KCNH1: variants seen among roughly 807,000 people sequenced by gnomAD.
KCNH1 encodes potassium voltage-gated channel subfamily H member 1.
Under a neutral mutation model 69.2 loss-of-function variants are expected in KCNH1, and 27 were observed. The ratio of observed to expected loss-of-function variants is 0.39; its 90% CI spans 0.29 to 0.54. The LOEUF is 0.54. Among genes scored for constraint, KCNH1 ranks in the 20% least tolerant of loss-of-function variants. The probability of loss-of-function intolerance (pLI) is 0.68; values close to 1 mark genes in which losing one functional copy is unlikely to be tolerated. For missense variants in KCNH1, 798 were observed against 1,261.6 expected (o/e 0.63, Z 5.57); for synonymous variants, 456 against 487.7 (o/e 0.93, Z 0.86).
chr1:211,115,578 C>T (rs1691557088), intron 1 of KCNH1, among the ~76,000 whole-genome samples: 1 of 151,758 alleles, frequency 6.6e-6, no homozygotes, highest in East Asian at 1.9e-4. Context: ...GCTTCCTGCC[C>T]TCAAACATCG....
At chr1:210,833,092 A>G (rs574089248) in intron 7 of KCNH1, among the ~76,000 whole-genome samples, 2 of 152,004 alleles carry the variant, frequency 1.3e-5, no homozygotes, top group Non-Finnish European at 2.9e-5. Context: ...AATTAAGAGA[A>G]GGCTATTTTC....
chr1:211,020,447 T>C (rs1689568323), intron 5 of KCNH1, among the ~76,000 whole-genome samples: 1 of 150,744 alleles, frequency 6.6e-6, no homozygotes, highest in Non-Finnish European at 1.5e-5. Flanking sequence ...AATAGAAAAC[T>C]CTAACAGACC....
chr1:211,127,603 T>G (rs1053843388), intron 1 of KCNH1, among the ~76,000 whole-genome samples: 1 of 152,180 alleles, frequency 6.6e-6, no homozygotes, highest in Admixed American at 6.5e-5. Context: ...TTTGTTTTCA[T>G]TTAATTTTGG....
rs148749308 is a variant in KCNH1, at chr1:210,996,743, C to T, written c.1032+22040G>A. The stretch of plus-strand genomic sequence containing the variant: ...ACTGGGAGGCACCCCCCAGTAGGGG[C>T]AGACTGACACCTTACAAGGTCGGGT... On this transcript the variant is annotated intron_variant, in intron 6 of 10. Transcript: ENST00000271751. 3.0e-3 allele frequency among the ~76,000 whole-genome samples: 456 copies of T among 152,358 alleles called. 3 individuals are homozygous for T. The highest frequency in any genetic ancestry group is 1.0e-2 in the African/African-American group (414 of 41,578).
chr1:210,775,614 C>T (rs986098872), intron 9 of KCNH1, 70 bp from the exon 10 acceptor site: 1 of 1,201,534 alleles, frequency 8.3e-7, no homozygotes, highest in Admixed American at 1.9e-5. Flanking sequence ...TGGCTTCCCT[C>T]TATTCCCCAG....
chr1:210,736,099 C>A (rs1682873419), intron 10 of KCNH1, among the ~76,000 whole-genome samples: 1 of 152,016 alleles, frequency 6.6e-6, no homozygotes, highest in Non-Finnish European at 1.5e-5. Context: ...CAGCAGTCAT[C>A]CACAGGCACA....
At chr1:211,040,330 T>A (rs1302946367) in intron 5 of KCNH1, among the ~76,000 whole-genome samples, 1 of 152,182 alleles carries the variant, frequency 6.6e-6, no homozygotes, top group East Asian at 1.9e-4. Context: ...ACTTGAATTG[T>A]ATCTCCCAGA....
At chr1:211,080,103 A>G (rs1690823423) in intron 5 of KCNH1, among the ~76,000 whole-genome samples, 1 of 152,218 alleles carries the variant, frequency 6.6e-6, no homozygotes, top group Non-Finnish European at 1.5e-5. Flanking sequence ...TTAAGCTGAT[A>G]AGCAACTTCA....
chr1:210,712,513 T>C (rs1167712743), intron 10 of KCNH1, among the ~76,000 whole-genome samples: 1 of 152,196 alleles, frequency 6.6e-6, no homozygotes, highest in Non-Finnish European at 1.5e-5. Flanking sequence ...CCTAAAAGTC[T>C]TCCTGGCCCA....
chr1:210,881,731 G>T (rs2102509154), intron 7 of KCNH1, among the ~76,000 whole-genome samples: 1 of 152,282 alleles, frequency 6.6e-6, no homozygotes, highest in Non-Finnish European at 1.5e-5. Flanking sequence ...GCCATGAAAA[G>T]ACATAGAGGA....
chr1:211,110,548 T>A (rs772852683), intron 1 of KCNH1, among the ~76,000 whole-genome samples: 23 of 152,292 alleles, frequency 1.5e-4, no homozygotes, highest in Non-Finnish European at 2.9e-4. Context: ...AGCACCTTAT[T>A]AATTTTGAAT....
chr1:210,911,423 A>G (rs1687228714), intron 7 of KCNH1, among the ~76,000 whole-genome samples: 1 of 152,094 alleles, frequency 6.6e-6, no homozygotes, highest in African/African-American at 2.4e-5. Context: ...TCAAATGTCA[A>G]TTATAATGTG....
chr1:210,905,087 C>A (rs1434934211), intron 7 of KCNH1, among the ~76,000 whole-genome samples: 1 of 152,156 alleles, frequency 6.6e-6, no homozygotes, highest in Non-Finnish European at 1.5e-5. Flanking sequence ...GGAAGAAGAG[C>A]CATCCCTGAA....
chr1:210,871,459 G>A (rs1018773585), intron 7 of KCNH1, among the ~76,000 whole-genome samples: 20 of 152,216 alleles, frequency 1.3e-4, no homozygotes, highest in African/African-American at 4.8e-4. Flanking sequence ...TGGTGGGACT[G>A]TAAACCAGTT....
At chr1:210,744,479 A>G (rs1268751555) in intron 10 of KCNH1, among the ~76,000 whole-genome samples, 1 of 152,132 alleles carries the variant, frequency 6.6e-6, no homozygotes, top group East Asian at 1.9e-4. Context: ...CCCCATCTCT[A>G]CTAAAAATAC....
chr1:211,102,936 A>G (rs1206421124), intron 3 of KCNH1, among the ~76,000 whole-genome samples: 1 of 152,238 alleles, frequency 6.6e-6, no homozygotes, highest in Non-Finnish European at 1.5e-5. Flanking sequence ...GAAACCTCCT[A>G]AGGGAAGAGC....
chr1:210,767,265 G>A (rs1172014712), intron 10 of KCNH1, among the ~76,000 whole-genome samples: 1 of 152,222 alleles, frequency 6.6e-6, no homozygotes, highest in Non-Finnish European at 1.5e-5. Flanking sequence ...ATGACTGGCT[G>A]CTCACTGGAA....
At chr1:210,948,658 T>C (rs1688006650) in intron 6 of KCNH1, among the ~76,000 whole-genome samples, 1 of 151,646 alleles carries the variant, frequency 6.6e-6, no homozygotes, top group East Asian at 1.9e-4. Flanking sequence ...TGAAACCCTG[T>C]CTCTACTAAA....
intron 10 of KCNH1, among the ~76,000 whole-genome samples, chr1:210,706,436 T>C (rs1681915719): frequency 6.6e-6 from 1 of 152,176 alleles, no homozygotes; most frequent in South Asian, 2.1e-4. Flanking sequence ...CATTTGAAAG[T>C]CAAATAAAAC....
Sources: allele counts gnomAD v4.1 joint callset (sites outside exome capture counted in the v4.1 genomes callset), GRCh38; gene constraint gnomAD v4.1.1; transcripts MANE v1.5; gene names NCBI Gene and HGNC (gene_info 2026-07-23, HGNC 2026-07-21).